Variants in MRRF observed in about 807,000 individuals in gnomAD.
MRRF encodes ribosome-recycling factor, mitochondrial.
MRRF carries 18 observed loss-of-function variants against 25.1 expected under a neutral mutation model. The observed-to-expected ratio is 0.72, with a 90% CI of 0.50 to 1.06. The LOEUF is 1.06. Among genes scored for constraint, MRRF ranks in the 50% least tolerant of loss-of-function variants. MRRF has a pLI of 0.00. For synonymous variants in MRRF, 113 were observed against 112.1 expected (o/e 1.01, Z -0.05); for missense variants, 323 against 319.3 (o/e 1.01, Z -0.09).
At chr9:122,274,703 A>G (rs1348338830) in intron 2 of MRRF, among the ~76,000 whole-genome samples, 1 of 152,150 alleles carries the variant, frequency 6.6e-6, no homozygotes, top group Non-Finnish European at 1.5e-5. Context: ...AGTTGTTGAT[A>G]TAAAGTTGTT....
intron 5 of MRRF, among the ~76,000 whole-genome samples, chr9:122,308,369 A>G (rs1834991588): frequency 6.6e-6 from 1 of 151,702 alleles, no homozygotes; most frequent in Non-Finnish European, 1.5e-5. Context: ...GCATTTTTAA[A>G]ATGTACTGTT....
At chr9:122,284,559 G>A (rs889627660) in intron 3 of MRRF, among the ~76,000 whole-genome samples, 5 of 152,300 alleles carry the variant, frequency 3.3e-5, no homozygotes, top group South Asian at 2.1e-4. Flanking sequence ...AGAGTTGCTT[G>A]TGAGGGTGAT....
At chr9:122,285,709 AG>A in intron 4 of MRRF, 1 of 1,181,536 alleles carries the variant, frequency 8.5e-7, no homozygotes, top group Non-Finnish European at 1.1e-6. Context: ...AGAAGAAGCT[AG>A]TAACACAAAT....
intron 6 of MRRF, among the ~76,000 whole-genome samples, 161 bp from the exon 7 acceptor site, chr9:122,322,379 T>A (rs1020846304): frequency 1.1e-4 from 17 of 151,710 alleles, no homozygotes; most frequent in Admixed American, 9.8e-4. Context: ...AAAAAAAGAA[T>A]GTATATATAA....
At position 122,329,759 on chromosome 9, in the gene MRRF, C is replaced by T. The variant is rs1836234966; in HGVS notation, c.*7142C>T. The T allele has an allele frequency of 6.6e-6, 1 of 152,300 alleles. No homozygotes were observed. Among genetic ancestry groups the T allele is most frequent in the African/African-American group, 2.4e-5 (1 of 41,452 alleles). The allele number at this position is 152,300 out of a possible 1,614,324, so 9.4% of individuals were successfully genotyped here. A position where few individuals can be genotyped will look rare whatever the true frequency, so the allele number is the denominator to read the frequency against. ...GCAAATGTTCCAGGCTGGCCTCACC[C>T]GGGTCTCTAGACACTTGGCTCAGAG... On this transcript the variant is annotated 3_prime_UTR_variant, in exon 7 of 7. Coordinates refer to ENST00000344641, the MANE Select transcript of MRRF (RefSeq NM_138777.5).
intron 2 of MRRF, among the ~76,000 whole-genome samples, chr9:122,275,477 A>T (rs1236198991): frequency 6.6e-6 from 1 of 152,116 alleles, no homozygotes; most frequent in East Asian, 1.9e-4. Context: ...TACAAAAAAA[A>T]TACAAAAATT....
chr9:122,283,163 G>A (rs1231071452), intron 3 of MRRF, among the ~76,000 whole-genome samples: 1 of 149,808 alleles, frequency 6.7e-6, no homozygotes, highest in Non-Finnish European at 1.5e-5. Flanking sequence ...GCGCGATCTC[G>A]GCTCACTGCA....
Position 122,291,764 on chromosome 9 carries a change from A to C in MRRF, c.475A>C (p.Ile159Leu), listed in dbSNP as rs57065013. The C allele has an allele frequency of 1.8e-4, 297 of 1,612,990 alleles. No homozygotes were observed. In the African/African-American group the frequency reaches 3.5e-3, roughly 19 times the overall value. The change falls in exon 5 of 7, where the codon ATC becomes CTC. Residue 159 changes from isoleucine (I) to leucine (L), a missense_variant. Ile to Leu is a conservative substitution (Grantham distance 5). Transcript: ENST00000344641. ...ASFPECTAAA[I>L]KAIRESGMNL... ...TGGTTTTCAGTGTACAGCTGCAGCT[A>C]TCAAGGCTATAAGAGAAAGTGGAAT... is the stretch of plus-strand genomic sequence containing the variant.
chr9:122,285,868 G>C (rs1365567715), intron 4 of MRRF: 6 of 1,284,426 alleles, frequency 4.7e-6, no homozygotes, highest in Non-Finnish European at 4.1e-6. Flanking sequence ...ATTTGGAGCA[G>C]ACCCTCCAGG....
chr9:122,284,989 C>T (rs922482897), intron 3 of MRRF, among the ~76,000 whole-genome samples, 180 bp from the exon 4 acceptor site: 1 of 152,186 alleles, frequency 6.6e-6, no homozygotes, highest in Admixed American at 6.5e-5. Flanking sequence ...TGTGGTCTTG[C>T]TGTTTTGCGC....
intron 6 of MRRF, among the ~76,000 whole-genome samples, chr9:122,317,863 C>T (rs1835634202): frequency 6.6e-6 from 1 of 151,968 alleles, no homozygotes; most frequent in Admixed American, 6.6e-5. Flanking sequence ...ATAGGCTGGG[C>T]GCAGTGGCTC....
intron 5 of MRRF, among the ~76,000 whole-genome samples, chr9:122,303,799 C>T (rs944611108): frequency 6.6e-6 from 1 of 152,200 alleles, no homozygotes; most frequent in Non-Finnish European, 1.5e-5. Context: ...GTTATTCAAA[C>T]TTGAATCTGT....
At chr9:122,280,275 A>G (rs943526384) in intron 2 of MRRF, among the ~76,000 whole-genome samples, 168 bp from the exon 3 acceptor site, 8 of 152,334 alleles carry the variant, frequency 5.3e-5, no homozygotes, top group African/African-American at 1.9e-4. Flanking sequence ...GGTGTTTAGC[A>G]CAGTTGACAC....
intron 2 of MRRF, among the ~76,000 whole-genome samples, chr9:122,275,591 C>T (rs557879383): frequency 1.9e-4 from 29 of 152,186 alleles, no homozygotes; most frequent in African/African-American, 2.9e-4. Context: ...GAGCTGAGAT[C>T]GCACCACTGC....
In MRRF at chr9:122,287,071, T is replaced by C. The variant is rs75827728; in HGVS notation, c.459+1784T>C. Among the ~76,000 whole-genome samples, 770 of 152,364 alleles carry C rather than the reference T, an allele frequency of 5.1e-3. 6 individuals carry two copies. Among genetic ancestry groups the C allele is most frequent in the African/African-American group, 0.018 (734 of 41,596 alleles). ...TAATTGCTACTTATATTTTGGATCATGGCTTAAACGTCACTTTCTTAAGGA... is the reference window on the plus strand; with the variant it reads ...TAATTGCTACTTATATTTTGGATCACGGCTTAAACGTCACTTTCTTAAGGA... On this transcript the variant is annotated intron_variant, in intron 4 of 6. Transcript: ENST00000344641.
intron 5 of MRRF, among the ~76,000 whole-genome samples, chr9:122,294,934 A>G (rs1833992112): frequency 6.6e-6 from 1 of 152,228 alleles, no homozygotes. Context: ...GAAGAAGGGA[A>G]CTAATAGGTC....
In MRRF at chr9:122,325,643, T is replaced by C. The variant is rs1836114238; in HGVS notation, c.*3026T>C. On this transcript the variant is annotated 3_prime_UTR_variant, in exon 7 of 7. Coordinates refer to ENST00000344641, the MANE Select transcript of MRRF (RefSeq NM_138777.5). ...TTTTTTCCTGTCTGGTGTGTGTGTG[T>C]GTGTGTGTGTGTGTGTGTGTGTGTG... 1 of 109,918 alleles carries C rather than the reference T, an allele frequency of 9.1e-6. No individual in the cohort carries two copies. Among genetic ancestry groups the C allele is most frequent in the South Asian group, 2.8e-4 (1 of 3,536 alleles). The allele number at this position is 109,918 out of a possible 1,614,324, so 6.8% of individuals were successfully genotyped here.
chr9:122,272,683 G>A (rs1832537660), intron 2 of MRRF, among the ~76,000 whole-genome samples: 1 of 152,140 alleles, frequency 6.6e-6, no homozygotes, highest in Non-Finnish European at 1.5e-5. Context: ...TTGTCCATAT[G>A]TTCCAAGTGT....
rs1308206545 is a variant in MRRF, at chr9:122,273,515, C to G, written c.184+2440C>G. Among the ~76,000 whole-genome samples, 3 of 150,284 alleles carry G rather than the reference C, an allele frequency of 2.0e-5. No homozygotes were observed. The East Asian group carries it at 5.8e-4, about 29-fold the overall frequency. ...AATCAGGTTTATTTCTGGGGGAATC[C>G]TATCTTTTTTTTTTGTCACTTTTAT... On this transcript the variant is annotated intron_variant, in intron 2 of 6. Transcript: ENST00000344641.
Sources: gnomAD v4.1 joint callset for allele counts (sites outside exome capture counted in the v4.1 genomes callset) on GRCh38, gnomAD v4.1.1 for gene constraint, MANE v1.5 for transcripts, NCBI Gene and HGNC (gene_info 2026-07-23, HGNC 2026-07-21) for gene names.